The following PLOD1 variants were observed in gnomAD, a reference collection of about 807,000 sequenced individuals.
The protein encoded by PLOD1 is procollagen-lysine,2-oxoglutarate 5-dioxygenase 1.
PLOD1 carries 70 observed loss-of-function variants against 94.7 expected under a neutral mutation model. The ratio of observed to expected loss-of-function variants is 0.74; its 90% CI spans 0.61 to 0.90. The LOEUF (loss-of-function observed/expected upper bound fraction) is 0.90, where lower values mean the gene tolerates loss of function less well. Among genes scored for constraint, PLOD1 ranks in the 40% least tolerant of loss-of-function variants. PLOD1 has a pLI of 0.00. For synonymous variants in PLOD1, 417 were observed against 400.2 expected (o/e 1.04, Z -0.50); for missense variants, 905 against 972.7 (o/e 0.93, Z 0.93).
intron 1 of PLOD1, among the ~76,000 whole-genome samples, chr1:11,941,125 G>T (rs997786918): frequency 1.3e-5 from 2 of 152,184 alleles, no homozygotes; most frequent in African/African-American, 2.4e-5. Flanking sequence ...CACCTTCCTC[G>T]TAGAGTGTTG....
intron 4 of PLOD1, among the ~76,000 whole-genome samples, chr1:11,951,735 C>A (rs11809682): frequency 0.048 from 7,202 of 149,890 alleles, 463 homozygotes; most frequent in African/African-American, 0.14. Context: ...CTGGCTAACA[C>A]GATGAAACCC....
At chr1:11,968,575 G>T (rs1557499043) in intron 16 of PLOD1, among the ~76,000 whole-genome samples, 2 of 148,944 alleles carry the variant, frequency 1.3e-5, no homozygotes, top group Non-Finnish European at 3.0e-5. Flanking sequence ...GTGCAGTGGC[G>T]CCATCTCAGC....
intron 1 of PLOD1, among the ~76,000 whole-genome samples, chr1:11,940,617 ATC>A (rs1299429391): frequency 6.6e-6 from 1 of 152,174 alleles, no homozygotes; most frequent in Non-Finnish European, 1.5e-5. Context: ...TCTCTGTTGT[ATC>A]TCATTGATTT....
At chr1:11,948,607 G>T (rs1645673337) in intron 2 of PLOD1, among the ~76,000 whole-genome samples, 1 of 152,090 alleles carries the variant, frequency 6.6e-6, no homozygotes, top group Non-Finnish European at 1.5e-5. Context: ...GCACGCACCT[G>T]TAATCCCAGC....
intron 4 of PLOD1, among the ~76,000 whole-genome samples, chr1:11,951,637 A>G (rs1487057287): frequency 6.8e-6 from 1 of 146,856 alleles, no homozygotes; most frequent in Non-Finnish European, 1.5e-5. Flanking sequence ...AATATATATA[A>G]TATATATATT....
intron 2 of PLOD1, among the ~76,000 whole-genome samples, chr1:11,948,671 A>G (rs1557485940): frequency 6.6e-6 from 1 of 152,108 alleles, no homozygotes; most frequent in Non-Finnish European, 1.5e-5. Context: ...CGGAGGTTGC[A>G]GTGAGCCGAG....
chr1:11,937,316 A>T (rs1557479890), intron 1 of PLOD1, among the ~76,000 whole-genome samples: 1 of 152,106 alleles, frequency 6.6e-6, no homozygotes, highest in Non-Finnish European at 1.5e-5. Flanking sequence ...ATTCCAGGGG[A>T]TGAAGTTGGG....
intron 16 of PLOD1, among the ~76,000 whole-genome samples, chr1:11,969,978 C>T (rs957514329): frequency 4.0e-5 from 6 of 151,564 alleles, no homozygotes; most frequent in Non-Finnish European, 8.8e-5. Flanking sequence ...GCATGGCTCA[C>T]GCCTGTAATC....
chr1:11,964,451 A>G, intron 12 of PLOD1, 151 bp downstream of exon 12: 1 of 982,400 alleles, frequency 1.0e-6, no homozygotes, highest in Non-Finnish European at 1.6e-6. Flanking sequence ...GACACACAGA[A>G]GGACTTCCTG....
Position 11,950,523 on chromosome 1 carries a change from G to A in PLOD1, c.466+3G>A, listed in dbSNP as rs779840832. ...CAAGAGGTTCCTGGGCTCTGGAGGT[G>A]AGAGGCCTGGGTGCAGGGCGCTTGG... On this transcript the variant is annotated splice_donor_region_variant and intron_variant, in intron 4 of 18. Transcript: ENST00000196061. 27 of 1,613,462 alleles carry A rather than the reference G, an allele frequency of 1.7e-5. No individual in the cohort carries two copies. Among genetic ancestry groups the A allele is most frequent in the Non-Finnish European group, 2.3e-5 (27 of 1,179,812 alleles).
rs1645889961 is a variant in PLOD1 at position 11,974,589 on chromosome 1, T to C, written c.2029-64T>C. 4.6e-6 allele frequency: 7 copies of C among 1,517,868 alleles called. No individual in the cohort carries two copies. The East Asian group carries it at 1.4e-4, about 30-fold the overall frequency. 94.0% of individuals were successfully genotyped at this position (1,517,868 alleles called of 1,614,324 possible). On this transcript the variant is annotated intron_variant, in intron 18 of 18. Transcript: ENST00000196061. ...GCCACTTGGCCATGACAGGAGATCATGACGGGAGAACAGACGGGCAGGGGG... is the reference window on the plus strand; with the variant it reads ...GCCACTTGGCCATGACAGGAGATCACGACGGGAGAACAGACGGGCAGGGGG...
rs1645870912 is a variant in PLOD1, at chr1:11,972,236, C to G, written c.1903-636C>G. On this transcript the variant is annotated intron_variant, in intron 17 of 18. Coordinates refer to ENST00000196061, the MANE Select transcript of PLOD1 (RefSeq NM_000302.4). The surrounding 1 kb of genome is among the most constrained non-coding windows in gnomAD (Gnocchi z 4.6). ...TCTCTCTCTCTCTCTCTCTTTCTTT[C>G]TCTCTCTCTTTCTCTTTCTCTGTCT... 6.6e-6 allele frequency: 1 copy of G among 151,564 alleles called. No homozygotes were observed. The allele number at this position is 151,564 out of a possible 1,614,324, so 9.4% of individuals were successfully genotyped here.
At chr1:11,934,993 C>CA (rs1645568650) in intron 1 of PLOD1, 138 bp downstream of exon 1, 2 of 1,117,314 alleles carry the variant, frequency 1.8e-6, no homozygotes, top group Non-Finnish European at 2.5e-6. Context: ...TCCACTTAAT[C>CA]GCTGGTGACT....
Position 11,970,783 on chromosome 1 carries a change from G to C in PLOD1, c.1869G>C (p.Met623Ile). The change falls in exon 17 of 19, where the codon ATG becomes ATC. Residue 623 changes from methionine to isoleucine, a missense_variant. Met to Ile is a conservative substitution (Grantham distance 10). Transcript: ENST00000196061. ...TCCTGCTGGAGTACATTGCGCCCAT[G>C]ACGGAGAAGCTCTACCCCGGCTACT... Reference protein sequence around the residue: ...HKFLLEYIAPMTEKLYPGYYT... With the variant: ...HKFLLEYIAPITEKLYPGYYT... 1 of 1,610,198 alleles carries C rather than the reference G, an allele frequency of 6.2e-7. No homozygotes were observed. Among genetic ancestry groups the C allele is most frequent in the Non-Finnish European group, 8.5e-7 (1 of 1,179,456 alleles).
chr1:11,940,886 G>A (rs941043188), intron 1 of PLOD1, among the ~76,000 whole-genome samples: 3 of 152,236 alleles, frequency 2.0e-5, no homozygotes, highest in Non-Finnish European at 2.9e-5. Flanking sequence ...TTGGGTGCTT[G>A]TGCTGCAGAG....
intron 2 of PLOD1, 81 bp downstream of exon 2, chr1:11,948,148 C>A: frequency 1.0e-6 from 1 of 970,482 alleles, no homozygotes; most frequent in Non-Finnish European, 1.7e-6. Flanking sequence ...CAAACTACCA[C>A]GTCTCTTAAG....
rs767372151 is a variant in PLOD1, at chr1:11,974,808, A to G, written c.2184A>G (p.Ter728=). ...TCGCAGTCTCCTTCGTCGATCCCTA[A>G]TTGGCCAGGCCTGACCCTCTTGGAC... ...RYIAVSFVDP[*] Residue 728 remains the stop codon, a stop_retained_variant, in exon 19 of 19, where the codon TAA becomes TAG. Transcript: ENST00000196061. 1 of 1,614,046 alleles carries G rather than the reference A, an allele frequency of 6.2e-7. No individual in the cohort carries two copies. Among genetic ancestry groups the G allele is most frequent in the Non-Finnish European group, 8.5e-7 (1 of 1,179,972 alleles).
At chr1:11,973,725 C>T (rs1007691820) in intron 18 of PLOD1, among the ~76,000 whole-genome samples, 3 of 151,966 alleles carry the variant, frequency 2.0e-5, no homozygotes, top group Non-Finnish European at 2.9e-5. Flanking sequence ...GGACCACAGG[C>T]GTGTGCCACC....
chr1:11,947,097 C>T (rs193209917), intron 1 of PLOD1, among the ~76,000 whole-genome samples: 124 of 152,132 alleles, frequency 8.2e-4, no homozygotes, highest in African/African-American at 2.9e-3. Flanking sequence ...GATGAAACCC[C>T]GCCTCTATTA....
Sources: allele counts gnomAD v4.1 joint callset (sites outside exome capture counted in the v4.1 genomes callset), GRCh38; gene constraint gnomAD v4.1.1; non-coding constraint Gnocchi (gnomAD v3.1); transcripts MANE v1.5; gene names NCBI Gene and HGNC (gene_info 2026-07-23, HGNC 2026-07-21).